Variants in FBN1 observed in about 807,000 individuals in gnomAD.
The protein encoded by FBN1 is fibrillin 1.
A neutral mutation model predicts 365.1 loss-of-function variants in FBN1; 29 were observed. The observed-to-expected ratio is 0.08, with a 90% confidence interval of 0.06 to 0.11. The LOEUF (loss-of-function observed/expected upper bound fraction) is 0.11, where lower values mean the gene tolerates loss of function less well. FBN1 is among the 10% of genes least tolerant of loss of function. The pLI is 1.00. For synonymous variants in FBN1, 1,210 were observed against 1,270.5 expected (o/e 0.95, Z 1.01); for missense variants, 2,476 against 3,703.2 (o/e 0.67, Z 8.60).
rs876660976 is a variant in FBN1 at position 48,437,346 on chromosome 15, C to T, written c.6355G>A (p.Val2119Met). The T allele has an allele frequency of 6.2e-7, 1 of 1,613,524 alleles. No homozygotes were observed. The highest frequency in any genetic ancestry group is 8.5e-7 in the Non-Finnish European group (1 of 1,179,640). The change falls in exon 52 of 66, where the codon GTG becomes ATG. Residue 2119 changes from valine to methionine, a missense_variant. Around this residue, in one of 5 missense-constraint regions of FBN1, gnomAD observed 1,780 missense variants for 2,840.8 expected, o/e 0.63. Coordinates refer to ENST00000316623, the MANE Select transcript of FBN1 (RefSeq NM_000138.5). ...CCAACTGCTGAATCATCAGGTCCCA[C>T]GATGATCCCACTTCCATAAGGACAT... The part of the protein sequence containing the change: ...QICPYGSGII[V>M]GPDDSAVDMD...
At chr15:48,464,123 G>C (rs981742407) in intron 40 of FBN1, 102 bp from the exon 41 acceptor site, 30 of 1,131,074 alleles carry the variant, frequency 2.7e-5, no homozygotes, top group Non-Finnish European at 3.7e-5. Context: ...AATCTATAGG[G>C]TATTTTCAAA....
At chr15:48,508,081 A>G (rs2043726223) in intron 15 of FBN1, among the ~76,000 whole-genome samples, 1 of 152,202 alleles carries the variant, frequency 6.6e-6, no homozygotes, top group African/African-American at 2.4e-5. Flanking sequence ...TAACTTGATA[A>G]AGCCGAAATA....
rs773785908 is a variant in FBN1, at chr15:48,428,453, G to A, written c.6890C>T (p.Thr2297Met). 6.0e-5 allele frequency: 97 copies of A among 1,613,926 alleles called. No homozygotes were observed. Among genetic ancestry groups the A allele is most frequent in the Non-Finnish European group, 7.3e-5 (86 of 1,179,972 alleles). Reference protein sequence around the residue: ...EGCVDENECQTKPGICENGRC... With the variant: ...EGCVDENECQMKPGICENGRC... ...CCCATTCTCACAGATCCCTGGCTTC[G>A]TCTGACATTCATTCTCATCTGTTTG... The change falls in exon 57 of 66, where the codon ACG (threonine) becomes ATG (methionine). Residue 2297 changes from threonine to methionine, a missense_variant. Around this residue, in one of 5 missense-constraint regions of FBN1, gnomAD observed 1,780 missense variants for 2,840.8 expected, o/e 0.63. Coordinates refer to ENST00000316623, the MANE Select transcript of FBN1 (RefSeq NM_000138.5).
At position 48,517,222 on chromosome 15, in the gene FBN1, A is replaced by T. The variant is rs2141332215; in HGVS notation, c.1148-860T>A. On this transcript the variant is annotated intron_variant, in intron 10 of 65. Coordinates refer to ENST00000316623, the MANE Select transcript of FBN1 (RefSeq NM_000138.5). The stretch of plus-strand genomic sequence containing the variant: ...TTCGCAGTTGTAAAAGACAGTGTGA[A>T]GCTTAGACGAATCAAGGCTAGACGT... Among the ~76,000 whole-genome samples the T allele has an allele frequency of 1.3e-5, 2 of 152,324 alleles. 1 individual carries two copies. Among genetic ancestry groups the T allele is most frequent in the South Asian group, 4.1e-4 (2 of 4,824 alleles).
chr15:48,559,461 C>T (rs1303773767), intron 6 of FBN1, among the ~76,000 whole-genome samples: 10 of 152,034 alleles, frequency 6.6e-5, no homozygotes, highest in Non-Finnish European at 1.2e-4. Context: ...AAAAGGCCTG[C>T]GGAGGACACA....
intron 16 of FBN1, among the ~76,000 whole-genome samples, 168 bp from the exon 17 acceptor site, chr15:48,504,107 AAC>A (rs1383143622): frequency 6.6e-6 from 1 of 152,178 alleles, no homozygotes; most frequent in Non-Finnish European, 1.5e-5. Flanking sequence ...AAAACAGAAA[AAC>A]AAAACACGTT....
chr15:48,465,062 A>G (rs905282954), intron 40 of FBN1, among the ~76,000 whole-genome samples: 1 of 152,208 alleles, frequency 6.6e-6, no homozygotes, highest in Admixed American at 6.5e-5. Flanking sequence ...GAAACCTGTA[A>G]GTGGTTAATA....
chr15:48,444,224 C>A (rs1385213460), intron 49 of FBN1, among the ~76,000 whole-genome samples: 1 of 152,052 alleles, frequency 6.6e-6, no homozygotes, highest in African/African-American at 2.4e-5. Context: ...TGCAAAGAAT[C>A]GCCACTTAAA....
chr15:48,490,169 CATA>C (rs2043546762), intron 24 of FBN1, 91 bp from the exon 25 acceptor site: 18 of 1,080,500 alleles, frequency 1.7e-5, no homozygotes, highest in Non-Finnish European at 2.2e-5. Context: ...ATACTGCACA[CATA>C]ATAATTTGCT....
intron 6 of FBN1, among the ~76,000 whole-genome samples, chr15:48,564,937 C>G (rs2044248863): frequency 1.3e-5 from 2 of 152,212 alleles, no homozygotes; most frequent in South Asian, 4.1e-4. Flanking sequence ...GTGCAAAGCA[C>G]AGTAATCATG....
At chr15:48,612,356 ATAG>A (rs1177135437) in intron 3 of FBN1, among the ~76,000 whole-genome samples, 1 of 152,190 alleles carries the variant, frequency 6.6e-6, no homozygotes, top group East Asian at 1.9e-4. Context: ...ACATTATTTC[ATAG>A]GTACAACAAC....
chr15:48,460,881 G>A (rs1430756264), intron 42 of FBN1, among the ~76,000 whole-genome samples: 1 of 151,912 alleles, frequency 6.6e-6, no homozygotes, highest in Non-Finnish European at 1.5e-5. Flanking sequence ...CTCCTTTTCT[G>A]TCTCTCTCTG....
chr15:48,575,996 A>G (rs1217933917), intron 6 of FBN1, among the ~76,000 whole-genome samples: 1 of 152,228 alleles, frequency 6.6e-6, no homozygotes, highest in Non-Finnish European at 1.5e-5. Context: ...AGGGGCACAT[A>G]GTAAACTGGG....
At position 48,410,938 on chromosome 15, in the gene FBN1, C is replaced by A; in HGVS notation, c.*52G>T. 1 of 1,470,162 alleles carries A rather than the reference C, an allele frequency of 6.8e-7. No homozygotes were observed. The highest frequency in any genetic ancestry group is 1.2e-5 in the South Asian group (1 of 85,116). The allele number at this position is 1,470,162 out of a possible 1,614,324, so 91.1% of individuals were successfully genotyped here. ...ATTCTGATTGGGGGAAAATATAGTTCTACCTATCTATATTTGTTTTTCTTT... is the reference window on the plus strand; with the variant it reads ...ATTCTGATTGGGGGAAAATATAGTTATACCTATCTATATTTGTTTTTCTTT... On this transcript the variant is annotated 3_prime_UTR_variant, in exon 66 of 66. Transcript: ENST00000316623.
intron 9 of FBN1, among the ~76,000 whole-genome samples, chr15:48,524,524 C>T (rs1320366233): frequency 6.6e-6 from 1 of 152,144 alleles, no homozygotes; most frequent in South Asian, 2.1e-4. Context: ...GCAGAAAGGT[C>T]ACTTGGATCA....
chr15:48,454,453 CAACAACA>C (rs2043224549), intron 44 of FBN1, among the ~76,000 whole-genome samples: 2 of 146,866 alleles, frequency 1.4e-5, no homozygotes, highest in South Asian at 4.6e-4. Context: ...AACAAAACAA[CAACAACA>C]AACAACAACA....
chr15:48,546,874 G>A (rs959662200), intron 6 of FBN1, among the ~76,000 whole-genome samples: 3 of 152,078 alleles, frequency 2.0e-5, no homozygotes, highest in Non-Finnish European at 2.9e-5. Context: ...GAGGGAAACC[G>A]GAAGGCTCCC....
chr15:48,413,418 C>T (rs764792788), intron 64 of FBN1, among the ~76,000 whole-genome samples: 17 of 152,216 alleles, frequency 1.1e-4, no homozygotes, highest in African/African-American at 3.6e-4. Context: ...CCACTGGCTC[C>T]GACTCATGTG....
intron 17 of FBN1, among the ~76,000 whole-genome samples, chr15:48,501,489 T>C (rs1372354750): frequency 1.3e-5 from 2 of 152,214 alleles, no homozygotes; most frequent in Non-Finnish European, 2.9e-5. Context: ...ATGCATTTTC[T>C]TTATAAATTA....
Sources: gnomAD v4.1 joint callset for allele counts (sites outside exome capture counted in the v4.1 genomes callset) on GRCh38, gnomAD v4.1.1 for gene constraint, gnomAD v4.1.1 regional missense constraint, MANE v1.5 for transcripts, NCBI Gene and HGNC (gene_info 2026-07-23, HGNC 2026-07-21) for gene names.